IMPG1: variants seen among roughly 807,000 people sequenced by gnomAD.
The protein encoded by IMPG1 is interphotoreceptor matrix proteoglycan 1, also known as interphotoreceptor matrix proteoglycan of 150 kDa.
IMPG1 carries 85 observed loss-of-function variants against 92.0 expected under a neutral mutation model. The observed-to-expected ratio is 0.92, with a 90% CI of 0.78 to 1.11. The LOEUF (loss-of-function observed/expected upper bound fraction) is 1.11, where lower values mean the gene tolerates loss of function less well. Among genes scored for constraint, IMPG1 ranks in the 50% least tolerant of loss-of-function variants. IMPG1 has a pLI of 0.00. For missense variants in IMPG1, 1,022 were observed against 956.0 expected (o/e 1.07, Z -0.91); for synonymous variants, 367 against 334.1 (o/e 1.10, Z -1.08).
At chr6:76,021,217 C>G (rs895974544) in intron 6 of IMPG1, among the ~76,000 whole-genome samples, 2 of 152,194 alleles carry the variant, frequency 1.3e-5, no homozygotes, top group Non-Finnish European at 2.9e-5. Context: ...AATTGTCAAC[C>G]AGAAAATGTT....
At chr6:76,028,681 T>A (rs559641961) in intron 4 of IMPG1, among the ~76,000 whole-genome samples, 55 of 152,042 alleles carry the variant, frequency 3.6e-4, no homozygotes, top group Non-Finnish European at 6.8e-4. Context: ...ATAGAAAAAA[T>A]CAGCCAGGCA....
rs868564935 is a variant in IMPG1, at chr6:75,974,395, T to G, written c.1292-23301A>C. On this transcript the variant is annotated intron_variant, in intron 12 of 16. Coordinates refer to ENST00000369950, the MANE Select transcript of IMPG1 (RefSeq NM_001563.4). ...TCTTTCTTTCTTTCTTTCTTTCTTT[T>G]CTTTCTTTCCTTCCTTCCTTCCTTC... Among the ~76,000 whole-genome samples, 123 of 106,134 alleles carry G rather than the reference T, an allele frequency of 1.2e-3. 1 individual carries two copies. The highest frequency in any genetic ancestry group is 4.1e-3 in the African/African-American group (119 of 29,044). 69.6% of individuals were successfully genotyped at this position (106,134 alleles called of 152,430 possible).
chr6:76,048,387 A>C (rs1783981008), intron 1 of IMPG1, among the ~76,000 whole-genome samples: 1 of 152,156 alleles, frequency 6.6e-6, no homozygotes, highest in Non-Finnish European at 1.5e-5. Context: ...TTCACATTTT[A>C]CTGAAAACAA....
chr6:75,934,547 G>A (rs1204527743), intron 14 of IMPG1, among the ~76,000 whole-genome samples: 1 of 152,084 alleles, frequency 6.6e-6, no homozygotes, highest in Non-Finnish European at 1.5e-5. Context: ...CTGCCTGCAG[G>A]GAACACCTTG....
intron 12 of IMPG1, among the ~76,000 whole-genome samples, chr6:75,973,297 C>CA (rs894917406): frequency 7.7e-6 from 1 of 129,866 alleles, no homozygotes; most frequent in Admixed American, 7.4e-5. Context: ...TACTTTCCCC[C>CA]CCGCCCAAAA....
intron 8 of IMPG1, among the ~76,000 whole-genome samples, chr6:76,008,086 G>A (rs190217658): frequency 1.3e-5 from 2 of 152,214 alleles, no homozygotes; most frequent in Non-Finnish European, 2.9e-5. Context: ...TTTACTGGGT[G>A]AGTGGTCTGT....
At chr6:75,971,139 TA>T (rs1268950594) in intron 12 of IMPG1, among the ~76,000 whole-genome samples, 1 of 151,980 alleles carries the variant, frequency 6.6e-6, no homozygotes, top group African/African-American at 2.4e-5. Flanking sequence ...TATGCAGCCA[TA>T]AAAAATGATG....
chr6:75,929,748 G>T (rs7773106), intron 15 of IMPG1, among the ~76,000 whole-genome samples: 145,984 of 151,770 alleles, frequency 0.96, 70,417 homozygotes, highest in East Asian at 1. Flanking sequence ...TAAAATTAAA[G>T]TAAATTAAAA....
At chr6:75,936,838 C>A (rs1278388023) in intron 14 of IMPG1, among the ~76,000 whole-genome samples, 1 of 152,182 alleles carries the variant, frequency 6.6e-6, no homozygotes, top group Non-Finnish European at 1.5e-5. Context: ...GGAGGCCCTG[C>A]AGCTGGGCTA....
Position 76,041,929 on chromosome 6 carries a change from T to G in IMPG1, c.265A>C (p.Ile89Leu). Residue 89 changes from isoleucine to leucine, a missense_variant, in exon 2 of 17, where the codon ATT becomes CTT. By Grantham distance (5) the Ile-to-Leu change is conservative (BLOSUM62 2). Coordinates refer to ENST00000369950, the MANE Select transcript of IMPG1 (RefSeq NM_001563.4). ...KVCPQESMKQ[I>L]LDSLQAYYRL... ...TAATAAGCTTGAAGACTGTCTAAAA[T>G]CTGTTTCATGGATTCCTGTGGACAG... is the stretch of plus-strand genomic sequence containing the variant. The G allele has an allele frequency of 6.2e-7, 1 of 1,613,758 alleles. No homozygotes were observed. Among genetic ancestry groups the G allele is most frequent in the South Asian group, 1.1e-5 (1 of 91,070 alleles).
At chr6:76,039,255 A>T (rs542056176) in intron 2 of IMPG1, among the ~76,000 whole-genome samples, 1 of 152,192 alleles carries the variant, frequency 6.6e-6, no homozygotes, top group East Asian at 1.9e-4. Flanking sequence ...GGTGGTGGTG[A>T]TGCTGTTGAT....
At chr6:76,049,656 T>C (rs1784003673) in intron 1 of IMPG1, among the ~76,000 whole-genome samples, 1 of 152,166 alleles carries the variant, frequency 6.6e-6, no homozygotes, top group African/African-American at 2.4e-5. Flanking sequence ...GATATTGACA[T>C]TTGTTGATAG....
chr6:75,967,633 A>C (rs1318581153), intron 12 of IMPG1, among the ~76,000 whole-genome samples: 1 of 152,224 alleles, frequency 6.6e-6, no homozygotes, highest in African/African-American at 2.4e-5. Context: ...CAAGAAAGAA[A>C]AGTCTTGAAT....
At chr6:76,017,524 G>C (rs1783311287) in intron 7 of IMPG1, among the ~76,000 whole-genome samples, 1 of 151,994 alleles carries the variant, frequency 6.6e-6, no homozygotes, top group Non-Finnish European at 1.5e-5. Context: ...TTCTCTACTT[G>C]GTGCCTACAT....
chr6:75,970,402 T>C (rs1782391834), intron 12 of IMPG1, among the ~76,000 whole-genome samples: 1 of 152,186 alleles, frequency 6.6e-6, no homozygotes, highest in African/African-American at 2.4e-5. Context: ...TCTAATTTAT[T>C]ACACTTTCCC....
intron 12 of IMPG1, among the ~76,000 whole-genome samples, chr6:75,996,893 G>A (rs1782911171): frequency 6.6e-6 from 1 of 152,172 alleles, no homozygotes. Flanking sequence ...AAGAGGGAGT[G>A]AAAGACGGGA....
chr6:75,979,924 G>C (rs188341820), intron 12 of IMPG1, among the ~76,000 whole-genome samples: 165 of 152,278 alleles, frequency 1.1e-3, no homozygotes, highest in Non-Finnish European at 9.7e-4. Flanking sequence ...TGGAGAAATT[G>C]AAAGACTGAA....
Position 75,950,697 on chromosome 6 carries a change from A to G in IMPG1, c.1689T>C (p.Ser563=). ...CTCGGCCCTTGGGGGCAATGGTCAT[A>G]GAACTAGTGGTGATATACTGTAAAG... The part of the protein sequence containing the change: ...VSALQYITTS[S]MTIAPKGREL... Residue 563 remains serine, a synonymous_variant, in exon 13 of 17, where the codon TCT becomes TCC. Coordinates refer to ENST00000369950, the MANE Select transcript of IMPG1 (RefSeq NM_001563.4). The G allele has an allele frequency of 6.2e-7, 1 of 1,614,014 alleles. No homozygotes were observed. The highest frequency in any genetic ancestry group is 1.1e-5 in the South Asian group (1 of 91,076).
intron 1 of IMPG1, among the ~76,000 whole-genome samples, chr6:76,055,275 C>G (rs770841637): frequency 1.4e-4 from 22 of 151,910 alleles, no homozygotes; most frequent in Non-Finnish European, 2.6e-4. Context: ...AATGGAAAAT[C>G]TTTATGTATT....
Sources: allele counts gnomAD v4.1 joint callset (sites outside exome capture counted in the v4.1 genomes callset), GRCh38; gene constraint gnomAD v4.1.1; transcripts MANE v1.5; gene names NCBI Gene and HGNC (gene_info 2026-07-23, HGNC 2026-07-21).